AOPEP: variants seen among roughly 807,000 people sequenced by gnomAD.
The protein encoded by AOPEP is aminopeptidase O.
A neutral mutation model predicts 98.1 loss-of-function variants in AOPEP; 77 were observed. The observed-to-expected ratio is 0.78, with a 90% CI of 0.65 to 0.95. The LOEUF is 0.95. AOPEP is among the 40% of genes least tolerant of loss of function. The pLI is 0.00. For missense variants in AOPEP, 1,024 were observed against 1,024.7 expected (o/e 1.00, Z 0.01); for synonymous variants, 346 against 365.3 (o/e 0.95, Z 0.60).
At chr9:94,782,501 C>T (rs1044069404) in intron 3 of AOPEP, among the ~76,000 whole-genome samples, 3 of 152,176 alleles carry the variant, frequency 2.0e-5, no homozygotes, top group African/African-American at 7.2e-5. Flanking sequence ...CAGGAAAAAG[C>T]CAAGATCTGA....
chr9:95,060,825 T>C lies in AOPEP; in HGVS notation c.2232+15T>C. 1.3e-6 allele frequency: 2 copies of C among 1,525,610 alleles called. No homozygotes were observed. The highest frequency in any genetic ancestry group is 1.8e-6 in the Non-Finnish European group (2 of 1,099,438). The allele number at this position is 1,525,610 out of a possible 1,614,324, so 94.5% of individuals were successfully genotyped here. A position where few individuals can be genotyped will look rare whatever the true frequency, so the allele number is the denominator to read the frequency against. Reference sequence around the variant, plus strand: ...AGGATGCAGAGGTAACCAGGAACACTCTCGGAGTTTAACCAGCAGGTCCCC... The same window carrying C: ...AGGATGCAGAGGTAACCAGGAACACCCTCGGAGTTTAACCAGCAGGTCCCC... On this transcript the variant is annotated intron_variant, in intron 14 of 16. Coordinates refer to ENST00000375315, the MANE Select transcript of AOPEP (RefSeq NM_001193329.3).
chr9:94,762,760 C>G (rs2132535491), intron 2 of AOPEP, among the ~76,000 whole-genome samples: 1 of 152,300 alleles, frequency 6.6e-6, no homozygotes, highest in Non-Finnish European at 1.5e-5. Context: ...AGGTCTCTCT[C>G]AACTCTCCCT....
chr9:94,734,890 T>C (rs890801085), intron 1 of AOPEP, among the ~76,000 whole-genome samples: 9 of 152,228 alleles, frequency 5.9e-5, no homozygotes, highest in Admixed American at 1.3e-4. Context: ...GCTTCAGTTA[T>C]AGATACCAGT....
rs1456308069 is a variant in AOPEP at position 94,930,456 on chromosome 9, A to G, written c.1661+1925A>G. Among the ~76,000 whole-genome samples, 1 of 152,182 alleles carries G rather than the reference A, an allele frequency of 6.6e-6. No individual in the cohort carries two copies. Among genetic ancestry groups the G allele is most frequent in the African/African-American group, 2.4e-5 (1 of 41,432 alleles). On this transcript the variant is annotated intron_variant, in intron 7 of 16. Transcript: ENST00000375315. This position sits in a 1 kb window ranked among gnomAD's most constrained non-coding sequence, Gnocchi z 4.5. ...AATATTATGAACTTTGGAGATTACAATTCAGGAGCTCACTGGAGAGACTGG... is the reference window on the plus strand; with the variant it reads ...AATATTATGAACTTTGGAGATTACAGTTCAGGAGCTCACTGGAGAGACTGG...
At position 94,952,093 on chromosome 9, in the gene AOPEP, C is replaced by T. The variant is rs1448166494; in HGVS notation, c.1662-3084C>T. ...ACCGACCAGTTGGATTTGCCACAGC[C>T]CTTCCTGCCTCTCACACTGTCATTT... On this transcript the variant is annotated intron_variant, in intron 7 of 16. Transcript: ENST00000375315. 3.3e-5 allele frequency among the ~76,000 whole-genome samples: 5 copies of T among 152,136 alleles called. No homozygotes were observed. In the South Asian group the frequency reaches 8.3e-4, roughly 25 times the overall value.
intron 7 of AOPEP, 150 bp downstream of exon 7, chr9:94,928,681 A>C: frequency 3.4e-6 from 2 of 590,644 alleles, no homozygotes; most frequent in Non-Finnish European, 5.9e-6. Flanking sequence ...GTTATGTTCT[A>C]AGTCTTTCAG....
Position 94,904,923 on chromosome 9 carries a change from A to G in AOPEP, c.1365-19063A>G, listed in dbSNP as rs114031201. On this transcript the variant is annotated intron_variant, in intron 5 of 16. Transcript: ENST00000375315. ...TGGTACAAATTGGAGTGCTGATATA[A>G]CATGAAATGAAGCGCCTTGTCTGAA... is the stretch of plus-strand genomic sequence containing the variant. Among the ~76,000 whole-genome samples the G allele has an allele frequency of 3.2e-3, 489 of 152,358 alleles. 2 individuals are homozygous for G. Among genetic ancestry groups the G allele is most frequent in the African/African-American group, 0.011 (440 of 41,586 alleles).
At chr9:94,946,096 C>T (rs914928521) in intron 7 of AOPEP, among the ~76,000 whole-genome samples, 18 of 152,126 alleles carry the variant, frequency 1.2e-4, no homozygotes, top group African/African-American at 4.1e-4. Flanking sequence ...GGATCCTATA[C>T]TCAAAAAGTT....
intron 11 of AOPEP, among the ~76,000 whole-genome samples, chr9:94,979,932 T>C (rs191463030): frequency 3.5e-4 from 53 of 152,330 alleles, no homozygotes; most frequent in South Asian, 8.3e-4. Context: ...TGGTTCTGCA[T>C]TGGGCTCCTG....
chr9:94,964,477 C>T (rs2059057178), intron 9 of AOPEP, among the ~76,000 whole-genome samples: 1 of 152,158 alleles, frequency 6.6e-6, no homozygotes, highest in African/African-American at 2.4e-5. Flanking sequence ...TTTCCTGCTT[C>T]TCATGCAATT....
At chr9:95,072,412 C>T (rs764758686) in intron 14 of AOPEP, among the ~76,000 whole-genome samples, 3 of 152,122 alleles carry the variant, frequency 2.0e-5, no homozygotes, top group Non-Finnish European at 4.4e-5. Context: ...AATCCCAGCA[C>T]TTTGGGAGGC....
chr9:95,132,859 C>A, the AOPEP span, among the ~76,000 whole-genome samples: 504 of 152,248 alleles, frequency 3.3e-3, 4 homozygotes, highest in African/African-American at 0.011. Context: ...GTTTTTGTTA[C>A]ATTTTGGTAA....
Position 95,005,167 on chromosome 9 carries a change from A to C in AOPEP, c.1987A>C (p.Arg663=). The part of the protein sequence containing the change: ...ESSGIPKPLQ[R]ERRAGAECGL... ...TCCTCTTCCCCCGCAGCCGCTGCAG[A>C]GGGAGCGTCGCGCCGGGGCGGAGTG... The change falls in exon 12 of 17, where the codon AGG becomes CGG. Residue 663 remains arginine, a synonymous_variant. Transcript: ENST00000375315. The C allele has an allele frequency of 8.7e-7, 1 of 1,152,778 alleles. No homozygotes were observed. The highest frequency in any genetic ancestry group is 1.1e-6 in the Non-Finnish European group (1 of 933,346). 71.4% of individuals were successfully genotyped at this position (1,152,778 alleles called of 1,614,324 possible). A position where few individuals can be genotyped will look rare whatever the true frequency, so the allele number is the denominator to read the frequency against.
At chr9:95,133,952 A>G in the AOPEP span, among the ~76,000 whole-genome samples, 12 of 152,346 alleles carry the variant, frequency 7.9e-5, no homozygotes, top group South Asian at 4.1e-4. Context: ...GCCTTAATAT[A>G]TGACTCTTCC....
At chr9:95,032,871 C>G (rs1001711113) in intron 13 of AOPEP, among the ~76,000 whole-genome samples, 3 of 152,180 alleles carry the variant, frequency 2.0e-5, no homozygotes, top group African/African-American at 7.2e-5. Context: ...GAGCTCTTTT[C>G]TGACCAGGCT....
chr9:95,028,883 T>G (rs1415432083), intron 13 of AOPEP, among the ~76,000 whole-genome samples: 3 of 152,234 alleles, frequency 2.0e-5, no homozygotes, highest in Admixed American at 2.0e-4. Context: ...TTGTGTATAT[T>G]ATTTGTGTTA....
At chr9:94,896,919 T>G (rs954755858) in intron 5 of AOPEP, among the ~76,000 whole-genome samples, 1 of 151,622 alleles carries the variant, frequency 6.6e-6, no homozygotes, top group African/African-American at 2.4e-5. Flanking sequence ...GGTTTTTTTT[T>G]TTTTTTTTGG....
At chr9:94,854,219 C>A (rs1241403956) in intron 5 of AOPEP, among the ~76,000 whole-genome samples, 1 of 152,190 alleles carries the variant, frequency 6.6e-6, no homozygotes, top group African/African-American at 2.4e-5. Context: ...GTGGTCTGTA[C>A]TGTGCCTGCT....
chr9:94,728,610 GAA>G (rs1829818403), intron 1 of AOPEP, among the ~76,000 whole-genome samples: 2 of 152,188 alleles, frequency 1.3e-5, no homozygotes, highest in African/African-American at 4.8e-5. Context: ...TTTCCTGTAA[GAA>G]GAGACTGGAA....
Sources: allele counts gnomAD v4.1 joint callset (sites outside exome capture counted in the v4.1 genomes callset), GRCh38; gene constraint gnomAD v4.1.1; non-coding constraint Gnocchi (gnomAD v3.1); transcripts MANE v1.5; gene names NCBI Gene and HGNC (gene_info 2026-07-23, HGNC 2026-07-21).